SYK: variants seen among roughly 807,000 people sequenced by gnomAD.
The protein encoded by SYK is spleen associated tyrosine kinase, also known as tyrosine-protein kinase SYK.
In SYK, 16 loss-of-function variants were observed where a neutral mutation model predicts 77.8. The observed-to-expected ratio is 0.21, with a 90% CI of 0.14 to 0.31. The LOEUF is 0.31. Among genes scored for constraint, SYK ranks in the 10% least tolerant of loss-of-function variants. SYK has a pLI of 1.00. For synonymous variants in SYK, 312 were observed against 308.7 expected, an observed-to-expected ratio of 1.01 and a Z score of -0.11; for missense variants, 529 against 814.4, an observed-to-expected ratio of 0.65 and a Z score of 4.26.
intron 3 of SYK, among the ~76,000 whole-genome samples, chr9:90,860,564 T>C (rs1397327826): frequency 6.6e-6 from 1 of 152,138 alleles, no homozygotes; most frequent in African/African-American, 2.4e-5. Flanking sequence ...GAAGAGGTTG[T>C]TCTCACAGTG....
chr9:90,890,115 T>G (rs1828731578), intron 13 of SYK, among the ~76,000 whole-genome samples: 1 of 152,236 alleles, frequency 6.6e-6, no homozygotes, highest in Admixed American at 6.5e-5. Context: ...TATGTACTTC[T>G]GTCGATTCTT....
chr9:90,867,585 G>A (rs934232326), intron 7 of SYK, among the ~76,000 whole-genome samples: 2 of 152,202 alleles, frequency 1.3e-5, no homozygotes, highest in Admixed American at 6.5e-5. Context: ...AATTGATTAT[G>A]TAAGTTACGT....
intron 3 of SYK, among the ~76,000 whole-genome samples, chr9:90,858,907 T>C (rs977898501): frequency 6.6e-6 from 1 of 152,152 alleles, no homozygotes. Context: ...GGCTGCTTGG[T>C]GGAGCACAGG....
Position 90,867,253 on chromosome 9 carries a change from C to A in SYK, c.915+54C>A, listed in dbSNP as rs564246584. On this transcript the variant is annotated intron_variant, in intron 7 of 13. Coordinates refer to ENST00000375754, the MANE Select transcript of SYK (RefSeq NM_003177.7). ...AACTAAGTGGTAGGACCAACGCGCA[C>A]TCAGCTCCCGCCCGCCCAGTCTGCC... 4 of 1,573,926 alleles carry A rather than the reference C, an allele frequency of 2.5e-6. No individual in the cohort carries two copies. The African/African-American group carries it at 5.4e-5, about 21-fold the overall frequency.
At chr9:90,860,894 A>G (rs1827230917) in intron 3 of SYK, among the ~76,000 whole-genome samples, 1 of 152,026 alleles carries the variant, frequency 6.6e-6, no homozygotes, top group African/African-American at 2.4e-5. Context: ...CAGTACCCAG[A>G]CGTCCCAAGG....
chr9:90,819,483 A>G (rs1825427597), intron 1 of SYK, among the ~76,000 whole-genome samples: 1 of 152,228 alleles, frequency 6.6e-6, no homozygotes, highest in African/African-American at 2.4e-5. Flanking sequence ...GAATCATGGC[A>G]GGAGGTGAAA....
chr9:90,871,548 T>G (rs538836447), intron 7 of SYK, among the ~76,000 whole-genome samples: 1 of 152,344 alleles, frequency 6.6e-6, no homozygotes, highest in South Asian at 2.1e-4. Flanking sequence ...TTTTAGAGAT[T>G]GTTTTGGTTA....
intron 1 of SYK, among the ~76,000 whole-genome samples, chr9:90,835,577 G>T (rs1362584834): frequency 6.6e-6 from 1 of 152,224 alleles, no homozygotes; most frequent in Non-Finnish European, 1.5e-5. Context: ...TGCACAGTTG[G>T]AAGACGGGAA....
In SYK at chr9:90,864,647, G is replaced by A. The variant is rs1457595031; in HGVS notation, c.776G>A (p.Cys259Tyr). The A allele has an allele frequency of 1.2e-6, 2 of 1,614,136 alleles. No homozygotes were observed. Among genetic ancestry groups the A allele is most frequent in the Non-Finnish European group, 1.7e-6 (2 of 1,180,002 alleles). ...TTGTTAAGAGTTCTTACTGTCCCAT[G>A]TCAAAAAATCGGCACACAGGGTGAG... ...DGLLRVLTVP[C>Y]QKIGTQGNVN... is the part of the protein sequence containing the mutation. Residue 259 changes from cysteine to tyrosine, a missense_variant, in exon 5 of 14, where the codon TGT becomes TAT. Transcript: ENST00000375754.
intron 6 of SYK, among the ~76,000 whole-genome samples, chr9:90,866,855 G>A (rs967389136): frequency 2.0e-5 from 3 of 152,140 alleles, no homozygotes; most frequent in Non-Finnish European, 2.9e-5. Context: ...ATAATTCCAC[G>A]TGAAGCATGA....
At chr9:90,860,798 A>G (rs1427503188) in intron 3 of SYK, among the ~76,000 whole-genome samples, 2 of 152,128 alleles carry the variant, frequency 1.3e-5, no homozygotes, top group African/African-American at 4.8e-5. Context: ...AAGCATGGCC[A>G]TGTCCAGTTC....
rs148947622 is a variant in SYK, at chr9:90,828,348, A to G, written c.-41-15510A>G. 3.7e-4 allele frequency among the ~76,000 whole-genome samples: 56 copies of G among 151,562 alleles called. No individual in the cohort carries two copies. The East Asian group carries it at 9.8e-3, about 26-fold the overall frequency. ...AACTGCGCTGCCCTTCTCATCATCC[A>G]TATGTGGTTTGCCCAGATAAAAGCA... On this transcript the variant is annotated intron_variant, in intron 1 of 13. Coordinates refer to ENST00000375754, the MANE Select transcript of SYK (RefSeq NM_003177.7).
chr9:90,853,755 A>G (rs1258269132), intron 3 of SYK, among the ~76,000 whole-genome samples: 2 of 152,168 alleles, frequency 1.3e-5, no homozygotes, highest in Non-Finnish European at 2.9e-5. Flanking sequence ...TAGCTTTAGG[A>G]GATATACCTA....
At chr9:90,876,388 TACAC>T (rs1827933620) in intron 9 of SYK, among the ~76,000 whole-genome samples, 2 of 152,006 alleles carry the variant, frequency 1.3e-5, no homozygotes, top group Admixed American at 6.6e-5. Flanking sequence ...GTAAATTAGA[TACAC>T]ATACATGTAT....
chr9:90,815,927 T>C (rs1349072437), intron 1 of SYK, among the ~76,000 whole-genome samples: 3 of 152,244 alleles, frequency 2.0e-5, no homozygotes, highest in African/African-American at 7.2e-5. Flanking sequence ...TCTGGCTGTA[T>C]GCTAAGCTCT....
intron 3 of SYK, among the ~76,000 whole-genome samples, chr9:90,851,038 A>T (rs1172058693): frequency 6.6e-6 from 1 of 152,186 alleles, no homozygotes; most frequent in Non-Finnish European, 1.5e-5. Context: ...CCTGAGCTAG[A>T]GGGCATTTAC....
intron 1 of SYK, among the ~76,000 whole-genome samples, chr9:90,832,576 A>G (rs369547282): frequency 1.3e-5 from 2 of 152,184 alleles, no homozygotes; most frequent in African/African-American, 2.4e-5. Context: ...CCTCTATTTT[A>G]GCTCCACGTA....
chr9:90,870,832 G>A (rs1256598817), intron 7 of SYK, among the ~76,000 whole-genome samples: 5 of 152,180 alleles, frequency 3.3e-5, no homozygotes, highest in Non-Finnish European at 7.3e-5. Flanking sequence ...ACTAATGACT[G>A]TATTGTCATC....
intron 1 of SYK, among the ~76,000 whole-genome samples, chr9:90,819,680 G>T (rs1367280033): frequency 6.6e-6 from 1 of 152,006 alleles, no homozygotes; most frequent in African/African-American, 2.4e-5. Flanking sequence ...ATTCTGGGAG[G>T]TACAATTCAA....
Sources: gnomAD v4.1 joint callset for allele counts (sites outside exome capture counted in the v4.1 genomes callset) on GRCh38, gnomAD v4.1.1 for gene constraint, MANE v1.5 for transcripts, NCBI Gene and HGNC (gene_info 2026-07-23, HGNC 2026-07-21) for gene names.